CNBD1: variants seen among roughly 807,000 people sequenced by gnomAD.
CNBD1 encodes the protein cyclic nucleotide binding domain containing 1, also known as cyclic nucleotide-binding domain-containing protein 1.
In CNBD1, 71 loss-of-function variants were observed where a neutral mutation model predicts 54.4. That is an observed-to-expected ratio of 1.30 (90% CI 1.08 to 1.59). The LOEUF (loss-of-function observed/expected upper bound fraction) is 1.59, where lower values mean the gene tolerates loss of function less well. Among genes scored for constraint, CNBD1 ranks in the 40% most tolerant of loss-of-function variants. The pLI is 0.00. For missense variants in CNBD1, 659 were observed against 518.0 expected, an observed-to-expected ratio of 1.27 and a Z score of -2.64; for synonymous variants, 182 against 170.7, an observed-to-expected ratio of 1.07 and a Z score of -0.51.
intron 1 of CNBD1, among the ~76,000 whole-genome samples, chr8:86,869,141 T>G (rs35725582): frequency 0.087 from 13,313 of 152,210 alleles, 617 homozygotes; most frequent in African/African-American, 0.1. Flanking sequence ...AGGTTCAGAG[T>G]TCTCATTTCC....
intron 4 of CNBD1, among the ~76,000 whole-genome samples, chr8:86,990,847 G>T (rs1174143030): frequency 6.6e-6 from 1 of 151,814 alleles, no homozygotes; most frequent in South Asian, 2.1e-4. Flanking sequence ...TTCATTTTTG[G>T]TGTCCTCTTA....
In CNBD1 at chr8:86,948,808, C is replaced by T. The variant is rs147681960; in HGVS notation, c.431+9054C>T. Reference sequence around the variant, plus strand: ...TTTTTGCTTTGGTTGCCTGTGCTTGCGGGTTATTACTGAAGAAAATTTTTG... The same window carrying T: ...TTTTTGCTTTGGTTGCCTGTGCTTGTGGGTTATTACTGAAGAAAATTTTTG... On this transcript the variant is annotated intron_variant, in intron 4 of 10. Transcript: ENST00000518476. Among the ~76,000 whole-genome samples the T allele has an allele frequency of 9.1e-3, 1,382 of 152,100 alleles. 18 individuals are homozygous for T. Among genetic ancestry groups the T allele is most frequent in the East Asian group, 0.084 (434 of 5,170 alleles).
chr8:87,289,397 C>A (rs1335087249), intron 8 of CNBD1, among the ~76,000 whole-genome samples: 1 of 152,046 alleles, frequency 6.6e-6, no homozygotes, highest in Non-Finnish European at 1.5e-5. Context: ...TATATCACAT[C>A]GGCTAAAGTC....
intron 4 of CNBD1, among the ~76,000 whole-genome samples, chr8:87,178,969 G>A (rs896292949): frequency 3.9e-5 from 6 of 152,120 alleles, no homozygotes; most frequent in African/African-American, 1.4e-4. Context: ...GTGCAATGAC[G>A]TGATCTCGGC....
chr8:87,377,293 C>T lies in CNBD1; in HGVS notation c.1304-5327C>T, dbSNP rs545956525. On this transcript the variant is annotated intron_variant, in intron 10 of 10. Transcript: ENST00000518476. ...CATTAGATATATCTCCCAATGCTAT[C>T]CCTCCCCCCTCCCCACACCCCACAA... Among the ~76,000 whole-genome samples, 13 of 136,556 alleles carry T rather than the reference C, an allele frequency of 9.5e-5. No individual in the cohort carries two copies. In the South Asian group the frequency reaches 3.2e-3, roughly 33 times the overall value. The allele number at this position is 136,556 out of a possible 152,430, so 89.6% of individuals were successfully genotyped here.
chr8:87,339,725 C>A (rs1196714687), intron 8 of CNBD1, among the ~76,000 whole-genome samples: 3 of 152,016 alleles, frequency 2.0e-5, no homozygotes, highest in Non-Finnish European at 2.9e-5. Flanking sequence ...TTACATAAAA[C>A]ACCTTATAGT....
intron 1 of CNBD1, among the ~76,000 whole-genome samples, chr8:86,882,283 A>G (rs576856261): frequency 1.3e-5 from 2 of 152,332 alleles, no homozygotes; most frequent in African/African-American, 2.4e-5. Context: ...GCATCTGACA[A>G]AGGTCTAATA....
intron 4 of CNBD1, among the ~76,000 whole-genome samples, chr8:87,042,663 G>A (rs748625469): frequency 6.6e-6 from 1 of 152,122 alleles, no homozygotes; most frequent in Non-Finnish European, 1.5e-5. Context: ...ATGGTCAACA[G>A]AGTGTGTTAT....
At chr8:87,200,476 A>G (rs1813835707) in intron 4 of CNBD1, among the ~76,000 whole-genome samples, 1 of 152,134 alleles carries the variant, frequency 6.6e-6, no homozygotes, top group South Asian at 2.1e-4. Context: ...AAAAACAATT[A>G]GTTCTTTAAA....
At chr8:87,384,732 A>G (rs989474423), downstream of CNBD1, among the ~76,000 whole-genome samples, 1 of 152,196 alleles carries the variant, frequency 6.6e-6, no homozygotes, top group African/African-American at 2.4e-5. Flanking sequence ...CATGGGTCCA[A>G]TAATATGACA....
chr8:87,266,788 C>T (rs138069300), intron 6 of CNBD1, among the ~76,000 whole-genome samples: 1 of 152,052 alleles, frequency 6.6e-6, no homozygotes, highest in Non-Finnish European at 1.5e-5. Context: ...ACATGAAGAG[C>T]AGTGAGTAAT....
At chr8:87,267,997 G>T (rs1458929114) in intron 6 of CNBD1, among the ~76,000 whole-genome samples, 1 of 152,050 alleles carries the variant, frequency 6.6e-6, no homozygotes, top group African/African-American at 2.4e-5. Context: ...TACACATGTA[G>T]GTTTAACACA....
chr8:87,244,481 G>A (rs1332215613), intron 6 of CNBD1, among the ~76,000 whole-genome samples: 2 of 152,062 alleles, frequency 1.3e-5, no homozygotes, highest in Non-Finnish European at 2.9e-5. Context: ...GGCATTTAGG[G>A]TGTCTATCTC....
At chr8:87,332,936 A>C (rs1809867182) in intron 8 of CNBD1, among the ~76,000 whole-genome samples, 1 of 152,108 alleles carries the variant, frequency 6.6e-6, no homozygotes, top group South Asian at 2.1e-4. Context: ...GATGGGAATA[A>C]TATTGAATAT....
At position 87,011,735 on chromosome 8, in the gene CNBD1, A is replaced by T. The variant is rs529968887; in HGVS notation, c.431+71981A>T. On this transcript the variant is annotated intron_variant, in intron 4 of 10. Coordinates refer to ENST00000518476, the MANE Select transcript of CNBD1 (RefSeq NM_173538.3). ...TTTCTACTTTAGGAGTTTTAAGATT[A>T]GATATTGTCAGTTTGTTACAGTACA... Among the ~76,000 whole-genome samples, 10 of 152,286 alleles carry T rather than the reference A, an allele frequency of 6.6e-5. No homozygotes were observed. In the South Asian group the frequency reaches 2.1e-3, roughly 32 times the overall value.
At chr8:86,962,975 T>G (rs562076383) in intron 4 of CNBD1, among the ~76,000 whole-genome samples, 9 of 152,022 alleles carry the variant, frequency 5.9e-5, no homozygotes, top group Non-Finnish European at 1.3e-4. Flanking sequence ...AGGAGTCCAG[T>G]GATTTAGGAT....
chr8:87,156,946 GA>G (rs1415782274), intron 4 of CNBD1, among the ~76,000 whole-genome samples: 1 of 152,140 alleles, frequency 6.6e-6, no homozygotes, highest in African/African-American at 2.4e-5. Flanking sequence ...TCACCTACCT[GA>G]GAGTCAGATT....
Position 86,879,745 on chromosome 8 carries a change from G to T in CNBD1, c.89-7797G>T, listed in dbSNP as rs183058985. ...AAATTAGCTGGACATGGTGGCGGGC[G>T]CCTGTAGTCCCAGCTGCTCGGGAGA... is the stretch of plus-strand genomic sequence containing the variant. On this transcript the variant is annotated intron_variant, in intron 1 of 10. Transcript: ENST00000518476. 1.5e-3 allele frequency among the ~76,000 whole-genome samples: 232 copies of T among 152,136 alleles called. 2 individuals carry two copies. Among genetic ancestry groups the T allele is most frequent in the Non-Finnish European group, 1.0e-4 (7 of 67,984 alleles).
intron 8 of CNBD1, among the ~76,000 whole-genome samples, chr8:87,309,808 G>T (rs1010204501): frequency 2.0e-5 from 3 of 151,828 alleles, no homozygotes; most frequent in Admixed American, 1.3e-4. Flanking sequence ...TCTTCTAAAA[G>T]TACCATATTG....
Sources: gnomAD v4.1 joint callset for allele counts (sites outside exome capture counted in the v4.1 genomes callset) on GRCh38, gnomAD v4.1.1 for gene constraint, MANE v1.5 for transcripts, NCBI Gene and HGNC (gene_info 2026-07-23, HGNC 2026-07-21) for gene names.